Variants in MGA observed in about 807,000 individuals in gnomAD.
MGA encodes the protein MAX dimerization protein MGA.
In MGA, 40 loss-of-function variants were observed where a neutral mutation model predicts 261.1. The observed-to-expected ratio is 0.15, with a 90% CI of 0.12 to 0.20. The LOEUF (loss-of-function observed/expected upper bound fraction) is 0.20, where lower values mean the gene tolerates loss of function less well. MGA is among the 10% of genes least tolerant of loss of function. The probability of loss-of-function intolerance (pLI) is 1.00; values close to 1 mark genes in which losing one functional copy is unlikely to be tolerated. For missense variants in MGA, 3,397 were observed against 3,630.5 expected, an observed-to-expected ratio of 0.94 and a Z score of 1.65; for synonymous variants, 1,302 against 1,290.6, an observed-to-expected ratio of 1.01 and a Z score of -0.19.
At chr15:41,656,861 C>T (rs186520531), upstream of MGA, among the ~76,000 whole-genome samples, 19 of 152,292 alleles carry the variant, frequency 1.2e-4, no homozygotes, top group East Asian at 3.7e-3. Flanking sequence ...ACTGTAGCCT[C>T]GACCTCCTGT....
intron 1 of MGA, among the ~76,000 whole-genome samples, chr15:41,646,491 G>A (rs915595178): frequency 5.3e-5 from 8 of 151,802 alleles, no homozygotes; most frequent in African/African-American, 1.9e-4. Context: ...GGTAACAGGC[G>A]TGTATTTTTA....
At chr15:41,754,335 A>G in intron 17 of MGA, 102 bp from the exon 18 acceptor site, 1 of 1,041,950 alleles carries the variant, frequency 9.6e-7, no homozygotes, top group Non-Finnish European at 1.4e-6. Context: ...TATAACATGA[A>G]TGTCTGGCAT....
At chr15:41,761,698 G>T (rs1438597257) in intron 20 of MGA, 41 bp from the exon 21 acceptor site, 2 of 1,296,770 alleles carry the variant, frequency 1.5e-6, no homozygotes, top group African/African-American at 3.0e-5. Flanking sequence ...TTTAAAGAAA[G>T]AGTGGATCAA....
At position 41,642,854 on chromosome 15, in the gene MGA, C is replaced by T. The variant is rs2056851535; in HGVS notation, c.-68+21556C>T. Among the ~76,000 whole-genome samples, 5 of 151,928 alleles carry T rather than the reference C, an allele frequency of 3.3e-5. 1 individual carries two copies. Among genetic ancestry groups the T allele is most frequent in the Admixed American group, 3.3e-4 (5 of 15,236 alleles). On this transcript the variant is annotated intron_variant, in intron 1 of 8. Transcript: ENST00000566718. ...CGAACTTCTAACCTCAGGTGATCTGCTTGCCTCAGCCTCCCAAAGTGCTGG... is the reference window on the plus strand; with the variant it reads ...CGAACTTCTAACCTCAGGTGATCTGTTTGCCTCAGCCTCCCAAAGTGCTGG...
chr15:41,626,307 G>A (rs1427476789), intron 1 of MGA, among the ~76,000 whole-genome samples: 2 of 144,904 alleles, frequency 1.4e-5, no homozygotes, highest in Non-Finnish European at 3.0e-5. Context: ...TTTTTGACAA[G>A]TGGTCTTTCC....
At chr15:41,655,308 A>G (rs548254259) in intron 1 of MGA, among the ~76,000 whole-genome samples, 15 of 150,716 alleles carry the variant, frequency 1.0e-4, no homozygotes, top group African/African-American at 3.7e-4. Context: ...CCTCCCAAGT[A>G]GCTGGGATTA....
At chr15:41,656,344 T>TTCTCTCTCTCTCTCTCTCTC (rs59370765), upstream of MGA, among the ~76,000 whole-genome samples, 2 of 59,988 alleles carry the variant, frequency 3.3e-5, no homozygotes, top group Non-Finnish European at 7.3e-5. Flanking sequence ...CTCTCCTCTC[T>TTCTCTCTCTCTCTCTCTCTC]TCTCTCTCTC....
chr15:41,665,696 G>A (rs1410113423), intron 1 of MGA, among the ~76,000 whole-genome samples: 1 of 151,908 alleles, frequency 6.6e-6, no homozygotes, highest in African/African-American at 2.4e-5. Flanking sequence ...TTTTTATTGA[G>A]ATATAATTCA....
chr15:41,758,943 A>C (rs2063297876), intron 19 of MGA, among the ~76,000 whole-genome samples: 1 of 152,170 alleles, frequency 6.6e-6, no homozygotes, highest in South Asian at 2.1e-4. Flanking sequence ...GTTAATGTTG[A>C]TGCTTTTTTA....
chr15:41,736,024 CCTGGAAAACT>C (rs911591514), intron 12 of MGA, among the ~76,000 whole-genome samples, 147 bp from the exon 13 acceptor site: 5 of 152,140 alleles, frequency 3.3e-5, no homozygotes, highest in Non-Finnish European at 5.9e-5. Flanking sequence ...ACTTTTTCTT[CCTGGAAAACT>C]CCCAAATTGT....
intron 2 of MGA, among the ~76,000 whole-genome samples, chr15:41,672,550 C>T (rs753458386): frequency 2.0e-5 from 3 of 152,172 alleles, no homozygotes; most frequent in Admixed American, 1.3e-4. Flanking sequence ...GATTTATTAA[C>T]GTATAGTATC....
chr15:41,648,902 A>G (rs1406133953), intron 1 of MGA, among the ~76,000 whole-genome samples: 2 of 152,126 alleles, frequency 1.3e-5, no homozygotes, highest in Non-Finnish European at 2.9e-5. Flanking sequence ...AGAGAGCCAG[A>G]ATGAGTGCCT....
chr15:41,742,189 A>C (rs1486186587), intron 14 of MGA, among the ~76,000 whole-genome samples: 2 of 150,844 alleles, frequency 1.3e-5, no homozygotes, highest in African/African-American at 4.9e-5. Context: ...GGAGTTCAAG[A>C]CCAGCCTGAC....
intron 17 of MGA, among the ~76,000 whole-genome samples, chr15:41,752,560 T>C (rs2062896598): frequency 6.8e-6 from 1 of 147,938 alleles, no homozygotes; most frequent in Admixed American, 6.7e-5. Context: ...TTTTTTTTTT[T>C]TTTTTTTTTT....
upstream of MGA, among the ~76,000 whole-genome samples, chr15:41,656,507 ATTTATT>A (rs549033021): frequency 6.5e-3 from 977 of 150,938 alleles, 6 homozygotes; most frequent in South Asian, 0.012. Context: ...AGGCCCAGCT[ATTTATT>A]TTTATTTTTA....
upstream of MGA, among the ~76,000 whole-genome samples, chr15:41,659,872 G>A (rs1193086479): frequency 6.6e-6 from 1 of 152,214 alleles, no homozygotes; most frequent in Non-Finnish European, 1.5e-5. Context: ...TTCGGTTGTG[G>A]ATGTTGTAAA....
chr15:41,731,070 A>G (rs1157693675), intron 11 of MGA, among the ~76,000 whole-genome samples: 1 of 152,222 alleles, frequency 6.6e-6, no homozygotes, highest in Non-Finnish European at 1.5e-5. Flanking sequence ...TTAAGGATGA[A>G]AAACATTCTT....
At position 41,666,134 on chromosome 15, in the gene MGA, T is replaced by C. The variant is rs1184079964; in HGVS notation, c.-67-2694T>C. On this transcript the variant is annotated intron_variant, in intron 1 of 23. Coordinates refer to ENST00000219905, the MANE Select transcript of MGA (RefSeq NM_001164273.2). ...GGTCTTGAACTCTTGACCTCAAACG[T>C]TACTCCCACATGGGCCTCCTAAAGT... 4.0e-5 allele frequency among the ~76,000 whole-genome samples: 6 copies of C among 151,674 alleles called. No individual in the cohort carries two copies. In the East Asian group the frequency reaches 1.2e-3, roughly 29 times the overall value.
chr15:41,661,426 G>A (rs1340306969), intron 1 of MGA, among the ~76,000 whole-genome samples: 1 of 149,686 alleles, frequency 6.7e-6, no homozygotes, highest in African/African-American at 2.5e-5. Flanking sequence ...GTTTCAGACT[G>A]GGTCGGGAGT....
Sources: gnomAD v4.1 joint callset for allele counts (sites outside exome capture counted in the v4.1 genomes callset) on GRCh38, gnomAD v4.1.1 for gene constraint, MANE v1.5 for transcripts, NCBI Gene and HGNC (gene_info 2026-07-23, HGNC 2026-07-21) for gene names.